RARB: variants seen among roughly 807,000 people sequenced by gnomAD.
The protein encoded by RARB is retinoic acid receptor beta.
Under a neutral mutation model 51.9 loss-of-function variants are expected in RARB, and 17 were observed. The ratio of observed to expected loss-of-function variants is 0.33; its 90% CI spans 0.22 to 0.49. The LOEUF is 0.49. Among genes scored for constraint, RARB ranks in the 20% least tolerant of loss-of-function variants. The pLI, the probability that RARB is intolerant of heterozygous loss-of-function variation, is 0.99. For synonymous variants in RARB, 215 were observed against 195.4 expected, an observed-to-expected ratio of 1.10 and a Z score of -0.84; for missense variants, 369 against 550.8, an observed-to-expected ratio of 0.67 and a Z score of 3.30.
chr3:24,872,453 G>T (rs143735769), intron 2 of RARB, among the ~76,000 whole-genome samples: 446 of 152,298 alleles, frequency 2.9e-3, no homozygotes, highest in African/African-American at 0.01. Context: ...ATAAAGAAAA[G>T]AGGTTTATTT....
At chr3:24,961,383 A>G (rs991074710) in intron 2 of RARB, among the ~76,000 whole-genome samples, 1 of 152,204 alleles carries the variant, frequency 6.6e-6, no homozygotes, top group South Asian at 2.1e-4. Context: ...AATCTCCCTA[A>G]CAGACTAACG....
intron 3 of RARB, among the ~76,000 whole-genome samples, chr3:25,558,845 T>G (rs1024308692): frequency 3.9e-5 from 6 of 152,162 alleles, no homozygotes; most frequent in Admixed American, 6.5e-5. Flanking sequence ...CTAAGTCGTC[T>G]TCTTCATCCC....
chr3:25,466,859 G>A (rs1695454073), intron 2 of RARB, among the ~76,000 whole-genome samples: 1 of 152,180 alleles, frequency 6.6e-6, no homozygotes, highest in African/African-American at 2.4e-5. Context: ...ATAAAACTTT[G>A]TTTACAAAAG....
chr3:24,993,477 A>C (rs1466298842), intron 2 of RARB, among the ~76,000 whole-genome samples: 1 of 152,156 alleles, frequency 6.6e-6, no homozygotes, highest in Non-Finnish European at 1.5e-5. Context: ...ATACATTCGT[A>C]CATATGAATC....
intron 4 of RARB, among the ~76,000 whole-genome samples, chr3:25,155,949 A>G (rs1348855317): frequency 2.0e-5 from 3 of 152,100 alleles, no homozygotes; most frequent in Admixed American, 2.0e-4. Flanking sequence ...ATTTCAATGT[A>G]TTGGGTGACC....
At chr3:25,270,194 T>C (rs13077354) in intron 5 of RARB, among the ~76,000 whole-genome samples, 16,396 of 152,278 alleles carry the variant, frequency 0.11, 1,193 homozygotes, top group South Asian at 0.18. Flanking sequence ...TACACCAATG[T>C]TCATAGCAAC....
rs200425561 is a variant in RARB at position 24,894,290 on chromosome 3, C to G, written c.-380+35538C>G. Among the ~76,000 whole-genome samples the G allele has an allele frequency of 1.3e-4, 20 of 148,342 alleles. No homozygotes were observed. In the East Asian group the frequency reaches 2.4e-3, roughly 18 times the overall value. On this transcript the variant is annotated intron_variant, in intron 2 of 11. Coordinates refer to the RARB transcript ENST00000383772. ...GCCCCCGCCCCCGCCCTGCCTCTCT[C>G]TACCATCTAGTGGCCCCATCTTTGT...
chr3:25,287,504 T>C (rs1192612163), intron 5 of RARB, among the ~76,000 whole-genome samples: 1 of 152,108 alleles, frequency 6.6e-6, no homozygotes, highest in Non-Finnish European at 1.5e-5. Flanking sequence ...GGGGGAAGCA[T>C]AGAAACTGCT....
intron 1 of RARB, among the ~76,000 whole-genome samples, chr3:25,434,601 G>C (rs1708352802): frequency 6.8e-6 from 1 of 148,088 alleles, no homozygotes; most frequent in Admixed American, 6.8e-5. Context: ...GAGTGCAGTG[G>C]TGTGATCTCA....
At chr3:25,227,403 C>A (rs1258278297) in intron 5 of RARB, among the ~76,000 whole-genome samples, 1 of 152,132 alleles carries the variant, frequency 6.6e-6, no homozygotes, top group Non-Finnish European at 1.5e-5. Flanking sequence ...GTTAACAGGT[C>A]TCTTTTTTTG....
At chr3:24,950,046 T>A (rs982533017) in intron 2 of RARB, among the ~76,000 whole-genome samples, 3 of 152,256 alleles carry the variant, frequency 2.0e-5, no homozygotes, top group African/African-American at 7.2e-5. Flanking sequence ...AATGTTAATG[T>A]AGGTGAGCAT....
chr3:24,970,334 G>A (rs774496429), intron 2 of RARB, among the ~76,000 whole-genome samples: 70 of 152,068 alleles, frequency 4.6e-4, no homozygotes, highest in Admixed American at 9.8e-4. Context: ...AAACCACCAC[G>A]AGTATTTCAG....
At chr3:25,593,022 G>A (rs1701672120) in intron 5 of RARB, among the ~76,000 whole-genome samples, 2 of 152,100 alleles carry the variant, frequency 1.3e-5, no homozygotes, top group African/African-American at 4.8e-5. Flanking sequence ...TCCTTCATTT[G>A]TAAAATAAGA....
At chr3:24,888,641 A>T (rs1703312254) in intron 2 of RARB, among the ~76,000 whole-genome samples, 2 of 152,152 alleles carry the variant, frequency 1.3e-5, no homozygotes, top group Non-Finnish European at 2.9e-5. Context: ...TGTTTTTGGG[A>T]ATTGTGATGT....
intron 2 of RARB, among the ~76,000 whole-genome samples, chr3:24,922,281 G>A (rs1695232311): frequency 6.6e-6 from 1 of 152,120 alleles, no homozygotes; most frequent in Non-Finnish European, 1.5e-5. Context: ...ATAATTCCTG[G>A]CACACAGAAC....
chr3:25,447,027 A>G (rs1029361928), intron 1 of RARB, among the ~76,000 whole-genome samples: 16 of 151,956 alleles, frequency 1.1e-4, no homozygotes, highest in Admixed American at 2.0e-4. Flanking sequence ...AGAAAAAAAA[A>G]AACTGATCGT....
At chr3:25,382,869 C>CA (rs11421888) in intron 5 of RARB, among the ~76,000 whole-genome samples, 6,076 of 151,668 alleles carry the variant, frequency 0.04, 373 homozygotes, top group African/African-American at 0.14. Context: ...AACAAATAAA[C>CA]AAAAAAAAGT....
At chr3:25,273,686 C>T (rs910669338) in intron 5 of RARB, among the ~76,000 whole-genome samples, 1 of 152,230 alleles carries the variant, frequency 6.6e-6, no homozygotes, top group Non-Finnish European at 1.5e-5. Flanking sequence ...ATCACCAAAA[C>T]TGCTTATGGT....
chr3:24,832,628 AATATAT>A (rs10526610), intron 1 of RARB, among the ~76,000 whole-genome samples: 20 of 88,426 alleles, frequency 2.3e-4, no homozygotes, highest in South Asian at 4.5e-4. Context: ...ATTGAGTCCC[AATATAT>A]ATATATATAT....
Sources: gnomAD v4.1 joint callset for allele counts (sites outside exome capture counted in the v4.1 genomes callset) on GRCh38, gnomAD v4.1.1 for gene constraint, MANE v1.5 for transcripts, NCBI Gene and HGNC (gene_info 2026-07-23, HGNC 2026-07-21) for gene names.